The following RARB variants were observed in gnomAD, a reference collection of about 807,000 sequenced individuals.
RARB encodes the protein HBV-activated protein.
A neutral mutation model predicts 51.9 loss-of-function variants in RARB; 17 were observed. That is an observed-to-expected ratio of 0.33 (90% confidence interval 0.22 to 0.49). The LOEUF is 0.49. Ranked by LOEUF, RARB falls within the 20% of genes least tolerant of loss-of-function variation. RARB has a pLI of 0.99. For synonymous variants in RARB, 215 were observed against 195.4 expected (o/e 1.10, Z -0.84); for missense variants, 369 against 550.8 (o/e 0.67, Z 3.30).
chr3:25,204,923 G>T (rs1236036544), intron 5 of RARB, among the ~76,000 whole-genome samples: 1 of 152,208 alleles, frequency 6.6e-6, no homozygotes, highest in East Asian at 1.9e-4. Context: ...CAAGCTGCGT[G>T]CTGGGAGAAC....
chr3:25,593,532 A>G lies in RARB; in HGVS notation c.816A>G (p.Pro272=). The G allele has an allele frequency of 2.5e-6, 4 of 1,614,012 alleles. No individual in the cohort carries two copies. Among genetic ancestry groups the G allele is most frequent in the Non-Finnish European group, 3.4e-6 (4 of 1,179,952 alleles). Reference sequence around the variant, plus strand: ...TTAGAATTTGCACCAGGTATACCCCAGAACAAGACACCATGACTTTCTCAG... The same window carrying G: ...TTAGAATTTGCACCAGGTATACCCCGGAACAAGACACCATGACTTTCTCAG... ...LILRICTRYT[P]EQDTMTFSDG... The change falls in exon 6 of 8, where the codon CCA becomes CCG. Residue 272 remains proline (P), a synonymous_variant. Coordinates refer to ENST00000330688, the MANE Select transcript of RARB (RefSeq NM_000965.5).
At chr3:25,478,463 T>C (rs1196817218) in intron 2 of RARB, among the ~76,000 whole-genome samples, 1 of 152,152 alleles carries the variant, frequency 6.6e-6, no homozygotes, top group Admixed American at 6.5e-5. Flanking sequence ...GACTAGTGGC[T>C]CATTCTGAAA....
chr3:25,377,919 T>G (rs1436103488), intron 5 of RARB, among the ~76,000 whole-genome samples: 1 of 152,196 alleles, frequency 6.6e-6, no homozygotes, highest in Non-Finnish European at 1.5e-5. Flanking sequence ...AGTCTCATAT[T>G]ATTCCCATAT....
At chr3:25,185,740 C>T (rs995725308) in intron 5 of RARB, among the ~76,000 whole-genome samples, 6 of 152,122 alleles carry the variant, frequency 3.9e-5, no homozygotes, top group African/African-American at 1.2e-4. Flanking sequence ...TCTGTCCTGA[C>T]TTTGTGTAGG....
At chr3:25,392,812 T>C (rs1394488443) in intron 5 of RARB, among the ~76,000 whole-genome samples, 1 of 152,142 alleles carries the variant, frequency 6.6e-6, no homozygotes, top group African/African-American at 2.4e-5. Flanking sequence ...GTTTTCTAGG[T>C]ATACAATCAT....
chr3:25,531,383 G>C (rs1051747080), intron 3 of RARB, among the ~76,000 whole-genome samples: 1 of 100,392 alleles, frequency 1.0e-5, no homozygotes, highest in Non-Finnish European at 1.9e-5. Flanking sequence ...TAGATAGATA[G>C]ATAGGTAGAT....
intron 5 of RARB, among the ~76,000 whole-genome samples, chr3:25,347,069 A>C (rs557785604): frequency 2.0e-5 from 3 of 152,332 alleles, no homozygotes; most frequent in African/African-American, 7.2e-5. Context: ...ATGAAGGAGT[A>C]GGTTGACCGG....
intron 2 of RARB, among the ~76,000 whole-genome samples, chr3:25,477,041 T>C (rs1695986335): frequency 6.6e-6 from 1 of 152,110 alleles, no homozygotes; most frequent in Admixed American, 6.6e-5. Flanking sequence ...AACACAGAAT[T>C]AGAGCACATT....
chr3:25,334,709 A>AAAAT (rs147879997), intron 5 of RARB, among the ~76,000 whole-genome samples: 9,156 of 152,156 alleles, frequency 0.06, 292 homozygotes, highest in African/African-American at 0.082. Context: ...CCTTAATGTA[A>AAAAT]AAATAAATAA....
At chr3:25,181,487 T>G (rs886778136) in intron 5 of RARB, among the ~76,000 whole-genome samples, 2 of 152,156 alleles carry the variant, frequency 1.3e-5, no homozygotes, top group African/African-American at 4.8e-5. Flanking sequence ...TGCTTTTGAG[T>G]GCCATGCTCA....
At chr3:24,932,394 G>T (rs1695459382) in intron 2 of RARB, among the ~76,000 whole-genome samples, 2 of 152,078 alleles carry the variant, frequency 1.3e-5, no homozygotes, top group Non-Finnish European at 2.9e-5. Flanking sequence ...GTTTGCAACA[G>T]CTCTCGTTTG....
intron 5 of RARB, among the ~76,000 whole-genome samples, chr3:25,397,216 G>A (rs1256257335): frequency 1.3e-5 from 2 of 152,158 alleles, no homozygotes; most frequent in Non-Finnish European, 2.9e-5. Flanking sequence ...TGCCCACAGG[G>A]CTCTTCCTGC....
chr3:25,018,075 T>A (rs1268025006), intron 2 of RARB, among the ~76,000 whole-genome samples: 1 of 152,156 alleles, frequency 6.6e-6, no homozygotes, highest in Non-Finnish European at 1.5e-5. Flanking sequence ...AATCACCCAG[T>A]TTATGGTATT....
chr3:25,509,562 C>G (rs1436378322), intron 3 of RARB, among the ~76,000 whole-genome samples: 1 of 152,212 alleles, frequency 6.6e-6, no homozygotes, highest in Non-Finnish European at 1.5e-5. Flanking sequence ...AGCATGGTTT[C>G]TAAAATAAAT....
At chr3:25,178,796 C>T (rs111615127) in intron 5 of RARB, among the ~76,000 whole-genome samples, 2 of 152,286 alleles carry the variant, frequency 1.3e-5, no homozygotes, top group African/African-American at 4.8e-5. Context: ...AGGAGAAGAG[C>T]CTGATATGCT....
intron 5 of RARB, among the ~76,000 whole-genome samples, chr3:25,379,015 T>C (rs762688199): frequency 5.3e-5 from 8 of 152,240 alleles, no homozygotes; most frequent in Non-Finnish European, 1.2e-4. Flanking sequence ...AAATTGATTT[T>C]ATGTAAACAT....
At chr3:25,005,632 G>A (rs1057179261) in intron 2 of RARB, among the ~76,000 whole-genome samples, 3 of 152,066 alleles carry the variant, frequency 2.0e-5, no homozygotes, top group South Asian at 2.1e-4. Flanking sequence ...GCCACAAACC[G>A]TCATCTCCAC....
intron 5 of RARB, among the ~76,000 whole-genome samples, chr3:25,353,402 C>G (rs1308524553): frequency 6.6e-6 from 1 of 152,138 alleles, no homozygotes; most frequent in Non-Finnish European, 1.5e-5. Context: ...CAATGACAAA[C>G]ATTACACTGG....
chr3:25,339,403 A>G (rs559663702), intron 5 of RARB, among the ~76,000 whole-genome samples: 3 of 152,146 alleles, frequency 2.0e-5, no homozygotes, highest in African/African-American at 4.8e-5. Flanking sequence ...GCTGTAACCA[A>G]TTCAACGCTT....
Sources: gnomAD v4.1 joint callset for allele counts (sites outside exome capture counted in the v4.1 genomes callset) on GRCh38, gnomAD v4.1.1 for gene constraint, MANE v1.5 for transcripts, NCBI Gene and HGNC (gene_info 2026-07-23, HGNC 2026-07-21) for gene names.